The following PLCB1 variants were observed in gnomAD, a reference collection of about 807,000 sequenced individuals.
The protein encoded by PLCB1 is phospholipase C beta 1.
PLCB1 carries 46 observed loss-of-function variants against 161.8 expected under a neutral mutation model. That is an observed-to-expected ratio of 0.28 (90% CI 0.22 to 0.36). PLCB1 has a LOEUF of 0.36. Ranked by LOEUF, PLCB1 falls within the 10% of genes least tolerant of loss-of-function variation. PLCB1 has a pLI of 1.00. For missense variants in PLCB1, 1,016 were observed against 1,472.5 expected, an observed-to-expected ratio of 0.69 and a Z score of 5.07; for synonymous variants, 517 against 503.7, an observed-to-expected ratio of 1.03 and a Z score of -0.35.
At chr20:8,727,200 C>A (rs1308924227) in intron 16 of PLCB1, 109 bp from the exon 17 acceptor site, 2 of 548,464 alleles carry the variant, frequency 3.6e-6, no homozygotes, top group East Asian at 3.0e-5. Flanking sequence ...GGATTATTTG[C>A]CCTCAACTTC....
intron 2 of PLCB1, among the ~76,000 whole-genome samples, chr20:8,265,556 G>A (rs1328670726): frequency 2.0e-5 from 3 of 151,994 alleles, no homozygotes; most frequent in Middle Eastern, 3.4e-3. Flanking sequence ...ATATTTTGGG[G>A]CACCTACTAT....
chr20:8,733,719 G>A (rs1007964495), intron 19 of PLCB1, among the ~76,000 whole-genome samples: 13 of 150,504 alleles, frequency 8.6e-5, no homozygotes, highest in East Asian at 2.0e-4. Flanking sequence ...CAGCACACCA[G>A]CATGGCACAT....
At chr20:8,552,098 A>G (rs1034376786) in intron 3 of PLCB1, among the ~76,000 whole-genome samples, 2 of 152,188 alleles carry the variant, frequency 1.3e-5, no homozygotes, top group Non-Finnish European at 2.9e-5. Context: ...TGACCACTTC[A>G]TGGTCATCCA....
chr20:8,454,897 T>G (rs1981231841), intron 3 of PLCB1, among the ~76,000 whole-genome samples: 1 of 152,208 alleles, frequency 6.6e-6, no homozygotes, highest in Non-Finnish European at 1.5e-5. Context: ...TTTATCTGTT[T>G]TGTTCACTGC....
At chr20:8,192,970 A>G (rs1175070257) in intron 2 of PLCB1, among the ~76,000 whole-genome samples, 3 of 151,992 alleles carry the variant, frequency 2.0e-5, no homozygotes, top group African/African-American at 2.4e-5. Context: ...TCAAATATTC[A>G]ATTACATTCA....
intron 2 of PLCB1, among the ~76,000 whole-genome samples, chr20:8,261,811 C>A (rs1981712009): frequency 6.6e-6 from 1 of 151,992 alleles, no homozygotes; most frequent in Non-Finnish European, 1.5e-5. Flanking sequence ...CTTCTTAAAC[C>A]AAGAGGATAA....
chr20:8,869,520 A>C (rs974009748), intron 31 of PLCB1, among the ~76,000 whole-genome samples: 1 of 152,198 alleles, frequency 6.6e-6, no homozygotes, highest in South Asian at 2.1e-4. Context: ...TTGGGTATGT[A>C]TATAAAGCAA....
intron 3 of PLCB1, among the ~76,000 whole-genome samples, chr20:8,514,248 TG>T (rs1984013706): frequency 6.6e-6 from 1 of 151,644 alleles, no homozygotes; most frequent in Non-Finnish European, 1.5e-5. Flanking sequence ...GAGACCAACC[TG>T]GGCAACACGG....
At chr20:8,329,070 G>A (rs1985266844) in intron 2 of PLCB1, among the ~76,000 whole-genome samples, 1 of 152,156 alleles carries the variant, frequency 6.6e-6, no homozygotes, top group African/African-American at 2.4e-5. Flanking sequence ...TTAGTTTGAG[G>A]AGGTCTTAAA....
intron 2 of PLCB1, among the ~76,000 whole-genome samples, chr20:8,153,046 C>T (rs2051525750): frequency 6.6e-6 from 1 of 152,090 alleles, no homozygotes; most frequent in Non-Finnish European, 1.5e-5. Context: ...TTCCAAAACC[C>T]CTCCTTTGAT....
At chr20:8,782,814 G>T (rs79518054) in intron 27 of PLCB1, among the ~76,000 whole-genome samples, 7,076 of 152,266 alleles carry the variant, frequency 0.046, 356 homozygotes, top group African/African-American at 0.13. Context: ...ATTAGTGGAA[G>T]GGAAAGGAAG....
At chr20:8,845,954 G>A (rs1002822865) in intron 31 of PLCB1, among the ~76,000 whole-genome samples, 4 of 152,126 alleles carry the variant, frequency 2.6e-5, no homozygotes, top group Admixed American at 2.0e-4. Context: ...ACACAGCAGG[G>A]GCTATATAAT....
intron 31 of PLCB1, among the ~76,000 whole-genome samples, chr20:8,808,978 T>C (rs1984676847): frequency 2.0e-5 from 3 of 152,172 alleles, no homozygotes; most frequent in African/African-American, 4.8e-5. Context: ...ACCAATTTTT[T>C]CCTAGAGCTT....
intron 23 of PLCB1, chr20:8,751,579 A>G (rs1022165490): frequency 6.6e-6 from 1 of 152,196 alleles, no homozygotes; most frequent in Non-Finnish European, 1.5e-5. Flanking sequence ...AATTCTTTTT[A>G]TATTTAATTT....
In PLCB1 at chr20:8,371,445, C is replaced by A. The variant is rs1986900760; in HGVS notation, c.241C>A (p.Pro81Thr). 1.2e-6 allele frequency: 2 copies of A among 1,611,748 alleles called. No homozygotes were observed. Among genetic ancestry groups the A allele is most frequent in the Non-Finnish European group, 1.7e-6 (2 of 1,178,182 alleles). Reference sequence around the variant, plus strand: ...CAGATGTGGGAGACACGCCAAAGCTCCCAAGGTAGGAGGTTGAGTGTTGTG... The same window carrying A: ...CAGATGTGGGAGACACGCCAAAGCTACCAAGGTAGGAGGTTGAGTGTTGTG... Reference protein sequence around the residue: ...DARCGRHAKAPKDPKLRELLD... With the variant: ...DARCGRHAKATKDPKLRELLD... The change falls in exon 3 of 32, where the codon CCC (proline) becomes ACC (threonine). Residue 81 changes from proline (P) to threonine (T), a missense_variant. This residue lies in a region of PLCB1 where 181 missense variants were observed against 236.7 expected (regional missense o/e 0.76). Coordinates refer to ENST00000338037, the MANE Select transcript of PLCB1 (RefSeq NM_015192.4).
intron 31 of PLCB1, among the ~76,000 whole-genome samples, chr20:8,861,708 G>A (rs534478457): frequency 7.8e-6 from 1 of 127,926 alleles, no homozygotes; most frequent in African/African-American, 3.2e-5. Context: ...CCAGCCTGGT[G>A]ACAGAGTGAG....
chr20:8,693,384 C>G (rs997123562), intron 10 of PLCB1, among the ~76,000 whole-genome samples: 6 of 152,172 alleles, frequency 3.9e-5, no homozygotes, highest in Admixed American at 1.3e-4. Context: ...ACTGGGGCAG[C>G]AGGCAGATAC....
rs566624827 is a variant in PLCB1 at position 8,402,793 on chromosome 20, C to T, written c.246+31343C>T. On this transcript the variant is annotated intron_variant, in intron 3 of 31. Coordinates refer to ENST00000338037, the MANE Select transcript of PLCB1 (RefSeq NM_015192.4). Reference sequence around the variant, plus strand: ...CTGGGAGGCGGAGCTTGCAGTCAGCCGAGATCGTGCCACTGCACTCCAGCC... The same window carrying T: ...CTGGGAGGCGGAGCTTGCAGTCAGCTGAGATCGTGCCACTGCACTCCAGCC... Among the ~76,000 whole-genome samples, 17 of 151,874 alleles carry T rather than the reference C, an allele frequency of 1.1e-4. 1 individual carries two copies. The highest frequency in any genetic ancestry group is 3.9e-4 in the African/African-American group (16 of 41,420).
Position 8,219,068 on chromosome 20 carries a change from A to G in PLCB1, c.177+68697A>G, listed in dbSNP as rs943997491. On this transcript the variant is annotated intron_variant, in intron 2 of 31. Transcript: ENST00000338037. ...CTCACTATTTCAGAATGTCACTGAT[A>G]CACCAATCCTAGCATTTGAATCCCA... Among the ~76,000 whole-genome samples the G allele has an allele frequency of 2.6e-5, 4 of 152,256 alleles. No homozygotes were observed. In the East Asian group the frequency reaches 7.7e-4, roughly 29 times the overall value.
Sources: allele counts gnomAD v4.1 joint callset (sites outside exome capture counted in the v4.1 genomes callset), GRCh38; gene constraint gnomAD v4.1.1; regional missense constraint gnomAD v4.1.1; transcripts MANE v1.5; gene names NCBI Gene and HGNC (gene_info 2026-07-23, HGNC 2026-07-21).